Variants in ABCB4 observed in about 807,000 individuals in gnomAD.
The protein encoded by ABCB4 is ATP binding cassette subfamily B member 4.
In ABCB4, 76 loss-of-function variants were observed where a neutral mutation model predicts 145.7. The ratio of observed to expected loss-of-function variants is 0.52; its 90% CI spans 0.43 to 0.63. The LOEUF (loss-of-function observed/expected upper bound fraction) is 0.63, where lower values mean the gene tolerates loss of function less well. Ranked by LOEUF, ABCB4 falls within the 30% of genes least tolerant of loss-of-function variation. The pLI, the probability that ABCB4 is intolerant of heterozygous loss-of-function variation, is 0.00. For missense variants in ABCB4, 1,234 were observed against 1,553.1 expected (o/e 0.79, Z 3.45); for synonymous variants, 517 against 566.8 (o/e 0.91, Z 1.25).
At chr7:87,426,670 A>G in intron 16 of ABCB4, 80 bp downstream of exon 16, 2 of 1,475,710 alleles carry the variant, frequency 1.4e-6, no homozygotes, top group Non-Finnish European at 1.9e-6. Flanking sequence ...TGCCTGAAAA[A>G]TATTTGCAAG....
At chr7:87,369,291 C>G in the ABCB4 span, 1 of 763,196 alleles carries the variant, frequency 1.3e-6, no homozygotes, top group Admixed American at 2.5e-5. Flanking sequence ...TGGAAGAATG[C>G]CTACTTTTCT....
intron 4 of ABCB4, among the ~76,000 whole-genome samples, chr7:87,454,813 A>C (rs1812003867): frequency 6.6e-6 from 1 of 152,242 alleles, no homozygotes; most frequent in Admixed American, 6.5e-5. Flanking sequence ...TTAAGGGCCA[A>C]GAAAGGGGAA....
intron 22 of ABCB4, 73 bp from the exon 23 acceptor site, chr7:87,412,106 G>A: frequency 1.9e-6 from 3 of 1,582,146 alleles, no homozygotes; most frequent in Non-Finnish European, 2.6e-6. Context: ...AAAGAGCACG[G>A]CTTCTAAGTC....
the ABCB4 span, chr7:87,382,293 C>T: frequency 7.1e-7 from 1 of 1,409,290 alleles, no homozygotes; most frequent in South Asian, 1.3e-5. Context: ...AAAATTATGC[C>T]TTTAACACCT....
rs1057522852 is a variant in ABCB4 at position 87,443,648 on chromosome 7, T to C, written c.1230+15A>G. The C allele has an allele frequency of 4.4e-6, 7 of 1,602,510 alleles. No homozygotes were observed. The highest frequency in any genetic ancestry group is 6.0e-6 in the Non-Finnish European group (7 of 1,169,792). On this transcript the variant is annotated intron_variant, in intron 11 of 27. Transcript: ENST00000649586. The stretch of plus-strand genomic sequence containing the variant: ...AACCTCAGTTAGGAATTCCTATAAA[T>C]ATTACTTACAGTACCTTGACGTTAG...
chr7:87,372,144 G>T, the ABCB4 span, among the ~76,000 whole-genome samples: 1 of 151,554 alleles, frequency 6.6e-6, no homozygotes, highest in Non-Finnish European at 1.5e-5. Context: ...CCATTTATTT[G>T]TGTTTTCTGT....
intron 12 of ABCB4, among the ~76,000 whole-genome samples, chr7:87,441,171 C>T (rs533780102): frequency 3.9e-5 from 6 of 152,228 alleles, no homozygotes; most frequent in East Asian, 1.9e-4. Flanking sequence ...TTTTTTCTCC[C>T]TTGACAACAA....
chr7:87,387,026 G>A, the ABCB4 span, among the ~76,000 whole-genome samples: 1 of 151,958 alleles, frequency 6.6e-6, no homozygotes, highest in South Asian at 2.1e-4. Flanking sequence ...TCCACATGCG[G>A]CCTGGCAGCT....
intron 13 of ABCB4, 121 bp from the exon 14 acceptor site, chr7:87,439,958 G>A: frequency 1.5e-6 from 2 of 1,356,416 alleles, no homozygotes; most frequent in Non-Finnish European, 1.0e-6. Context: ...GTATCATAAA[G>A]TATGATAAGA....
the ABCB4 span, among the ~76,000 whole-genome samples, chr7:87,373,854 T>G: frequency 6.6e-6 from 1 of 152,042 alleles, no homozygotes; most frequent in Admixed American, 6.6e-5. Flanking sequence ...GAAAAAGACT[T>G]CAGTGACGTA....
rs1810886465 is a variant in ABCB4 at position 87,440,288 on chromosome 7, A to G, written c.1471T>C (p.Cys491Arg). 1 of 1,614,148 alleles carries G rather than the reference A, an allele frequency of 6.2e-7. No individual in the cohort carries two copies. The highest frequency in any genetic ancestry group is 8.5e-7 in the Non-Finnish European group (1 of 1,180,012). ...ATGGTTACATTTCCACGGCCATAAC[A>G]AATATTTTCAGCAATTGTGGTGGAA... The part of the protein sequence containing the change: ...LFSTTIAENI[C>R]YGRGNVTMDE... Residue 491 changes from cysteine (C) to arginine (R), a missense_variant, in exon 13 of 28, where the codon TGT becomes CGT. By Grantham distance (180) the Cys-to-Arg change is radical (BLOSUM62 -3). Transcript: ENST00000649586.
chr7:87,469,227 C>G (rs1263283203), intron 3 of ABCB4, among the ~76,000 whole-genome samples: 1 of 152,062 alleles, frequency 6.6e-6, no homozygotes, highest in African/African-American at 2.4e-5. Flanking sequence ...GGTATCTAAA[C>G]ATAATAAGAG....
intron 20 of ABCB4, 32 bp from the exon 21 acceptor site, chr7:87,417,547 T>G: frequency 6.3e-7 from 1 of 1,590,836 alleles, no homozygotes; most frequent in Non-Finnish European, 8.6e-7. Context: ...GCAACTGTAG[T>G]TTTAAGCTCC....
At chr7:87,456,555 G>A (rs1388854604) in intron 4 of ABCB4, among the ~76,000 whole-genome samples, 4 of 152,134 alleles carry the variant, frequency 2.6e-5, no homozygotes, top group Admixed American at 1.3e-4. Context: ...AGCTTCCTGA[G>A]GCTTTGCCAG....
chr7:87,459,005 C>G (rs1584776368), intron 4 of ABCB4, among the ~76,000 whole-genome samples: 2 of 143,136 alleles, frequency 1.4e-5, no homozygotes, highest in South Asian at 4.5e-4. Context: ...AAAAAAAAAG[C>G]AAACTGCTCC....
chr7:87,431,966 G>T (rs528229666), intron 14 of ABCB4, among the ~76,000 whole-genome samples: 1 of 152,198 alleles, frequency 6.6e-6, no homozygotes, highest in Non-Finnish European at 1.5e-5. Context: ...GCCTTTTCCA[G>T]AGCACTGCTG....
the ABCB4 span, among the ~76,000 whole-genome samples, chr7:87,390,683 A>G: frequency 2.0e-5 from 3 of 152,164 alleles, no homozygotes; most frequent in East Asian, 1.9e-4. Context: ...TCATTCTCCA[A>G]CCCAGGAAAA....
At position 87,443,276 on chromosome 7, in the gene ABCB4, T is replaced by C. The variant is rs747667167; in HGVS notation, c.1356+43A>G. 4.3e-6 allele frequency: 7 copies of C among 1,613,100 alleles called. No homozygotes were observed. In the Admixed American group the frequency reaches 1.2e-4, roughly 27 times the overall value. On this transcript the variant is annotated intron_variant, in intron 12 of 27. Transcript: ENST00000649586. ...AAACCAATTTCAAAGGGCCAATTTG[T>C]ATCCAGCTTCCCACTCTGGAAAGCT... is the stretch of plus-strand genomic sequence containing the variant.
At chr7:87,449,315 G>T (rs1477477127) in intron 8 of ABCB4, among the ~76,000 whole-genome samples, 4 of 151,948 alleles carry the variant, frequency 2.6e-5, no homozygotes, top group Non-Finnish European at 5.9e-5. Flanking sequence ...CTATATTCCA[G>T]TTCATAGTCA....
Sources: gnomAD v4.1 joint callset for allele counts (sites outside exome capture counted in the v4.1 genomes callset) on GRCh38, gnomAD v4.1.1 for gene constraint, MANE v1.5 for transcripts, NCBI Gene and HGNC (gene_info 2026-07-23, HGNC 2026-07-21) for gene names.